Variants in CADM2 observed in about 807,000 individuals in gnomAD.
The protein encoded by CADM2 is cell adhesion molecule 2.
CADM2 carries 12 observed loss-of-function variants against 49.8 expected under a neutral mutation model. That is an observed-to-expected ratio of 0.24 (90% confidence interval 0.15 to 0.39). CADM2 has a LOEUF of 0.39. Among genes scored for constraint, CADM2 ranks in the 10% least tolerant of loss-of-function variants. The probability of loss-of-function intolerance (pLI) is 1.00; values close to 1 mark genes in which losing one functional copy is unlikely to be tolerated. For missense variants in CADM2, 378 were observed against 492.3 expected (o/e 0.77, Z 2.20); for synonymous variants, 214 against 175.4 (o/e 1.22, Z -1.74).
At chr3:85,123,384 A>G (rs939013693) in intron 1 of CADM2, among the ~76,000 whole-genome samples, 10 of 152,210 alleles carry the variant, frequency 6.6e-5, no homozygotes, top group African/African-American at 2.2e-4. Flanking sequence ...ATGTGTAAAA[A>G]CGTATAATTT....
chr3:86,014,392 A>G, intron 8 of CADM2: 9 of 1,475,260 alleles, frequency 6.1e-6, no homozygotes, highest in Admixed American at 2.2e-5. Flanking sequence ...GTAGTACTGC[A>G]TTTACTCAAC....
chr3:85,948,187 C>T lies in CADM2; in HGVS notation c.791+12330C>T, dbSNP rs528892322. Among the ~76,000 whole-genome samples, 3 of 151,518 alleles carry T rather than the reference C, an allele frequency of 2.0e-5. No individual in the cohort carries two copies. The East Asian group carries it at 5.8e-4, about 29-fold the overall frequency. ...TGTGTTTATATAGCAAATTCAACAA[C>T]ATAGTAATTGTAGAAAGTTTGCAGA... On this transcript the variant is annotated intron_variant, in intron 7 of 9. Transcript: ENST00000383699.
At chr3:85,597,484 G>A (rs959438982) in intron 1 of CADM2, among the ~76,000 whole-genome samples, 1 of 151,920 alleles carries the variant, frequency 6.6e-6, no homozygotes, top group Non-Finnish European at 1.5e-5. Context: ...TCATCTATGT[G>A]CCACTGATAT....
intron 1 of CADM2, among the ~76,000 whole-genome samples, chr3:85,543,420 A>ATGTGTGTGGGGGTGTGTGTGTGTGTG (rs372108050): frequency 0.034 from 4,416 of 129,496 alleles, 171 homozygotes; most frequent in East Asian, 0.12. Flanking sequence ...TGCCAAGCTA[A>ATGTGTGTGGGGGTGTGTGTGTGTGTG]TGTGTGTGTG....
Position 85,912,380 on chromosome 3 carries a change from A to C in CADM2, c.537A>C (p.Lys179Asn). The C allele has an allele frequency of 1.2e-6, 2 of 1,604,568 alleles. No homozygotes were observed. The highest frequency in any genetic ancestry group is 2.2e-5 in the East Asian group (1 of 44,556). ...TTCATATTTTATTTTCAGATGTAAA[A>C]TATTTAAAAGAAGAGGATGCAAATC... ...FKNDKEIKDV[K>N]YLKEEDANRK... The change falls in exon 6 of 10, where the codon AAA becomes AAC. Residue 179 changes from lysine (K) to asparagine (N), a missense_variant. Lys to Asn is a moderately conservative substitution (Grantham distance 94, BLOSUM62 0). Coordinates refer to ENST00000383699, the MANE Select transcript of CADM2 (RefSeq NM_001167675.2).
At chr3:85,911,687 T>C (rs1229138744) in intron 5 of CADM2, among the ~76,000 whole-genome samples, 2 of 152,170 alleles carry the variant, frequency 1.3e-5, no homozygotes, top group Non-Finnish European at 2.9e-5. Flanking sequence ...AGTTGTAAAT[T>C]TGCCCTTCCT....
chr3:85,339,199 T>A (rs1322369606), intron 1 of CADM2, among the ~76,000 whole-genome samples: 1 of 151,392 alleles, frequency 6.6e-6, no homozygotes, highest in African/African-American at 2.4e-5. Flanking sequence ...TGGCACATAG[T>A]AAATATGCAC....
At chr3:85,541,970 G>GA (rs1363632401) in intron 1 of CADM2, among the ~76,000 whole-genome samples, 3 of 151,630 alleles carry the variant, frequency 2.0e-5, no homozygotes, top group African/African-American at 7.3e-5. Flanking sequence ...CTTCTCTCAT[G>GA]AAAATATAGT....
rs139209005 is a variant in CADM2 at position 85,797,504 on chromosome 3, C to T, written c.89-4543C>T. Among the ~76,000 whole-genome samples the T allele has an allele frequency of 1.6e-3, 249 of 152,180 alleles. 1 individual carries two copies. The highest frequency in any genetic ancestry group is 5.4e-3 in the African/African-American group (225 of 41,506). Reference sequence around the variant, plus strand: ...ACTCCCACTTATGAGTGAGAACATGCGGTGTTTGGTTTTGTGTTTCTGTGT... The same window carrying T: ...ACTCCCACTTATGAGTGAGAACATGTGGTGTTTGGTTTTGTGTTTCTGTGT... On this transcript the variant is annotated intron_variant, in intron 2 of 9. Coordinates refer to ENST00000383699, the MANE Select transcript of CADM2 (RefSeq NM_001167675.2).
At chr3:85,919,171 T>C (rs956136780) in intron 6 of CADM2, among the ~76,000 whole-genome samples, 12 of 152,082 alleles carry the variant, frequency 7.9e-5, no homozygotes, top group Non-Finnish European at 1.5e-5. Flanking sequence ...GTATATTTTC[T>C]ATATAATTCA....
chr3:85,512,961 G>A (rs1488591510), intron 1 of CADM2, among the ~76,000 whole-genome samples: 1 of 151,898 alleles, frequency 6.6e-6, no homozygotes, highest in Non-Finnish European at 1.5e-5. Context: ...TGCTAGTTTT[G>A]CATTCACAAC....
chr3:85,203,128 A>G (rs2041550693), intron 1 of CADM2, among the ~76,000 whole-genome samples: 1 of 152,100 alleles, frequency 6.6e-6, no homozygotes, highest in African/African-American at 2.4e-5. Context: ...TTTGTGCTTA[A>G]TTATTGCTTA....
At chr3:85,296,724 A>G (rs761527899) in intron 1 of CADM2, among the ~76,000 whole-genome samples, 10 of 152,078 alleles carry the variant, frequency 6.6e-5, no homozygotes, top group Non-Finnish European at 1.5e-4. Flanking sequence ...ATCTAATCAA[A>G]TTGGATAAGG....
chr3:85,948,731 A>G (rs976552908), intron 7 of CADM2, among the ~76,000 whole-genome samples: 1 of 151,430 alleles, frequency 6.6e-6, no homozygotes, highest in African/African-American at 2.4e-5. Context: ...AAAATAAAAT[A>G]AAATAAAATA....
intron 1 of CADM2, among the ~76,000 whole-genome samples, chr3:85,559,595 A>G (rs561511982): frequency 6.6e-6 from 1 of 152,096 alleles, no homozygotes; most frequent in African/African-American, 2.4e-5. Flanking sequence ...ACTTTAAAAA[A>G]GAAACACATA....
chr3:85,705,639 C>A (rs574251448), intron 1 of CADM2, among the ~76,000 whole-genome samples: 1 of 152,186 alleles, frequency 6.6e-6, no homozygotes, highest in South Asian at 2.1e-4. Context: ...GTTCTGTGGG[C>A]CTTCATTATG....
At chr3:85,042,429 T>G (rs2035478981) in intron 1 of CADM2, among the ~76,000 whole-genome samples, 1 of 152,192 alleles carries the variant, frequency 6.6e-6, no homozygotes, top group South Asian at 2.1e-4. Flanking sequence ...ATAGTTTCCT[T>G]TTATGGAAGT....
intron 2 of CADM2, among the ~76,000 whole-genome samples, chr3:85,729,492 G>A (rs1261013089): frequency 7.5e-5 from 1 of 13,414 alleles, no homozygotes; most frequent in Non-Finnish European, 1.4e-4. Flanking sequence ...GAAAGGGCTA[G>A]AGAGAGAGAG....
chr3:85,525,176 A>G (rs529296747), intron 1 of CADM2, among the ~76,000 whole-genome samples: 24 of 152,228 alleles, frequency 1.6e-4, no homozygotes, highest in Admixed American at 3.9e-4. Context: ...AAAATAAAAC[A>G]TAAAGTTTTA....
Sources: gnomAD v4.1 joint callset for allele counts (sites outside exome capture counted in the v4.1 genomes callset) on GRCh38, gnomAD v4.1.1 for gene constraint, MANE v1.5 for transcripts, NCBI Gene and HGNC (gene_info 2026-07-23, HGNC 2026-07-21) for gene names.